Variants in COL4A6 observed in about 807,000 individuals in gnomAD.
COL4A6 encodes the protein collagen alpha-6(IV) chain.
Under a neutral mutation model 126.7 loss-of-function variants are expected in COL4A6, and 59 were observed. That is an observed-to-expected ratio of 0.47 (90% confidence interval 0.38 to 0.58). The LOEUF is 0.58. Ranked by LOEUF, COL4A6 falls within the 20% of genes least tolerant of loss-of-function variation. The probability of loss-of-function intolerance (pLI) is 0.00; values close to 1 mark genes in which losing one functional copy is unlikely to be tolerated. For synonymous variants in COL4A6, 547 were observed against 496.6 expected (o/e 1.10, Z -1.35); for missense variants, 1,285 against 1,337.3 (o/e 0.96, Z 0.61).
chrX:108,210,405 C>G (rs1196321313), intron 7 of COL4A6, among the ~76,000 whole-genome samples: 4 of 112,136 alleles, frequency 3.6e-5, no homozygotes, highest in African/African-American at 1.3e-4. Context: ...CATATGTATA[C>G]GATGCAAATC....
chrX:108,224,550 C>T, intron 3 of COL4A6, among the ~76,000 whole-genome samples: 1 of 110,879 alleles, frequency 9.0e-6, no homozygotes, highest in East Asian at 2.8e-4. Flanking sequence ...TGGTGTGAGG[C>T]TCTTATGGAG....
rs758510465 is a variant in COL4A6 at position 108,180,594 on chromosome X, C to T, written c.2052G>A (p.Gly684=). 1.6e-5 allele frequency: 19 copies of T among 1,199,189 alleles called. No homozygotes were observed. In the East Asian group the frequency reaches 5.7e-4, roughly 36 times the overall value. The change falls in exon 25 of 45, where the codon GGG becomes GGA. Residue 684 remains glycine, a synonymous_variant. Transcript: ENST00000334504. ...PGPKGSRGLP[G]TPGQPGSSGS... ...CACTTGACCCAGGCTGGCCTGGGGT[C>T]CCAGGGAGGCCTCGAGACCCTTTAG...
At chrX:108,289,703 C>T (rs1205323206) in intron 3 of COL4A6, among the ~76,000 whole-genome samples, 1 of 110,304 alleles carries the variant, frequency 9.1e-6, no homozygotes, top group Non-Finnish European at 1.9e-5. Context: ...CTGCAATATC[C>T]CAGCCCATTG....
intron 3 of COL4A6, among the ~76,000 whole-genome samples, chrX:108,238,793 T>C (rs764950569): frequency 5.4e-5 from 6 of 111,192 alleles, no homozygotes; most frequent in Non-Finnish European, 1.1e-4. Flanking sequence ...GCTGTAACAG[T>C]TTACACTTCC....
intron 2 of COL4A6, among the ~76,000 whole-genome samples, chrX:108,375,164 G>A (rs906549789): frequency 1.8e-5 from 2 of 111,074 alleles, no homozygotes; most frequent in African/African-American, 6.5e-5. Context: ...AAGGGGAAGA[G>A]CATCTCTTGG....
chrX:108,335,919 A>T (rs2039421650), intron 2 of COL4A6, among the ~76,000 whole-genome samples: 1 of 111,098 alleles, frequency 9.0e-6, no homozygotes, highest in African/African-American at 3.3e-5. Flanking sequence ...ATGCCATGTG[A>T]TCCCCAAAAC....
At chrX:108,317,742 A>T (rs1486300746) in intron 2 of COL4A6, among the ~76,000 whole-genome samples, 2 of 111,206 alleles carry the variant, frequency 1.8e-5, no homozygotes, top group Non-Finnish European at 3.8e-5. Flanking sequence ...AGTTGTAGAT[A>T]TGTGGCGTTA....
chrX:108,242,537 T>C (rs2036601716), intron 3 of COL4A6, among the ~76,000 whole-genome samples: 1 of 112,047 alleles, frequency 8.9e-6, no homozygotes, highest in South Asian at 3.7e-4. Context: ...TAAATAAATA[T>C]TTGGCAATAA....
At chrX:108,233,172 A>G (rs2036352408) in intron 3 of COL4A6, among the ~76,000 whole-genome samples, 1 of 112,318 alleles carries the variant, frequency 8.9e-6, no homozygotes. Flanking sequence ...AAACACAGCT[A>G]TGGTTTTATA....
chrX:108,394,085 C>G (rs1338541777), intron 2 of COL4A6, among the ~76,000 whole-genome samples: 1 of 109,514 alleles, frequency 9.1e-6, no homozygotes, highest in Non-Finnish European at 1.9e-5. Context: ...CCATGGAATA[C>G]TATGCAGCCA....
At chrX:108,204,774 C>G (rs182400297) in intron 11 of COL4A6, among the ~76,000 whole-genome samples, 2 of 111,668 alleles carry the variant, frequency 1.8e-5, no homozygotes, top group East Asian at 5.6e-4. Flanking sequence ...TTGCAAAGAG[C>G]ACAATCAGAG....
intron 3 of COL4A6, among the ~76,000 whole-genome samples, chrX:108,292,154 C>T (rs2147848088): frequency 8.9e-6 from 1 of 112,017 alleles, no homozygotes; most frequent in Admixed American, 9.5e-5. Flanking sequence ...CCATTTATAG[C>T]ATTGTTCTTA....
intron 3 of COL4A6, among the ~76,000 whole-genome samples, chrX:108,263,600 C>A (rs773413874): frequency 8.9e-6 from 1 of 112,020 alleles, no homozygotes; most frequent in South Asian, 3.7e-4. Flanking sequence ...TGAAGCCATC[C>A]TGGCAGGTCC....
rs763044757 is a variant in COL4A6, at chrX:108,178,690, T to A, written c.2509A>T (p.Ile837Phe). 2 of 1,211,234 alleles carry A rather than the reference T, an allele frequency of 1.7e-6. No individual in the cohort carries two copies. The highest frequency in any genetic ancestry group is 4.3e-5 in the Admixed American group (2 of 46,094). Reference protein sequence around the residue: ...GLPGAPGFPGISGHPGKKGTR... With the variant: ...GLPGAPGFPGFSGHPGKKGTR... Reference sequence around the variant, plus strand: ...CTTCCTCTGAAGGACCTACCTGAGATGCCTGGGAAGCCTGGTGCTCCTGGG... The same window carrying A: ...CTTCCTCTGAAGGACCTACCTGAGAAGCCTGGGAAGCCTGGTGCTCCTGGG... The change falls in exon 27 of 45, where the codon ATC becomes TTC. Residue 837 changes from isoleucine to phenylalanine, a missense_variant. Physicochemically the swap from Ile to Phe is conservative, Grantham distance 21. Coordinates refer to ENST00000334504, the MANE Select transcript of COL4A6 (RefSeq NM_033641.4).
At chrX:108,312,942 AT>A (rs1408802143) in intron 2 of COL4A6, among the ~76,000 whole-genome samples, 5 of 111,790 alleles carry the variant, frequency 4.5e-5, no homozygotes, top group Non-Finnish European at 9.4e-5. Flanking sequence ...AAAAAAAACA[AT>A]AGCAGGAGCT....
intron 5 of COL4A6, among the ~76,000 whole-genome samples, chrX:108,215,470 C>T (rs2035833418): frequency 1.2e-5 from 1 of 80,231 alleles, no homozygotes; most frequent in Non-Finnish European, 2.6e-5. Flanking sequence ...GGGATGGTTA[C>T]TCTTGTTTGC....
At chrX:108,250,357 G>T (rs760212106) in intron 3 of COL4A6, among the ~76,000 whole-genome samples, 1 of 110,433 alleles carries the variant, frequency 9.1e-6, no homozygotes, top group Non-Finnish European at 1.9e-5. Flanking sequence ...ACAAAGTGGC[G>T]AATGAGCATC....
chrX:108,237,818 T>G (rs2036465167), intron 3 of COL4A6, among the ~76,000 whole-genome samples: 1 of 109,107 alleles, frequency 9.2e-6, no homozygotes, highest in Admixed American at 9.9e-5. Flanking sequence ...ATCTAACAAC[T>G]ATCTCTCCCT....
At chrX:108,315,988 T>C (rs1434850544) in intron 2 of COL4A6, among the ~76,000 whole-genome samples, 1 of 111,977 alleles carries the variant, frequency 8.9e-6, no homozygotes, top group African/African-American at 3.3e-5. Flanking sequence ...CTGGGTCTCC[T>C]GAAATAAAGA....
Sources: gnomAD v4.1 joint callset for allele counts (sites outside exome capture counted in the v4.1 genomes callset) on GRCh38, gnomAD v4.1.1 for gene constraint, MANE v1.5 for transcripts, NCBI Gene and HGNC (gene_info 2026-07-23, HGNC 2026-07-21) for gene names.